The following C2orf42 variants were observed in gnomAD, a reference collection of about 807,000 sequenced individuals.
The protein encoded by C2orf42 is uncharacterized protein C2orf42.
Under a neutral mutation model 58.9 loss-of-function variants are expected in C2orf42, and 44 were observed. That is an observed-to-expected ratio of 0.75 (90% CI 0.59 to 0.96). C2orf42 has a LOEUF of 0.96. Among genes scored for constraint, C2orf42 ranks in the 40% least tolerant of loss-of-function variants. The pLI, the probability that C2orf42 is intolerant of heterozygous loss-of-function variation, is 0.00. For synonymous variants in C2orf42, 239 were observed against 265.4 expected, an observed-to-expected ratio of 0.90 and a Z score of 0.97; for missense variants, 630 against 699.2, an observed-to-expected ratio of 0.90 and a Z score of 1.12.
chr2:70,157,454 AAAAC>A (rs140409034), intron 9 of C2orf42, among the ~76,000 whole-genome samples: 26,758 of 150,178 alleles, frequency 0.18, 4,215 homozygotes, highest in African/African-American at 0.43. Context: ...CTCCCGTCTC[AAAAC>A]AAACAAACAA....
At chr2:70,151,223 C>T (rs1247252442) in intron 9 of C2orf42, among the ~76,000 whole-genome samples, 1 of 152,132 alleles carries the variant, frequency 6.6e-6, no homozygotes, top group African/African-American at 2.4e-5. Flanking sequence ...GTGAAATGTG[C>T]CCATAGTCCC....
Position 70,150,126 on chromosome 2 carries a change from C to G in C2orf42, c.*230G>C, listed in dbSNP as rs1672214203. On this transcript the variant is annotated 3_prime_UTR_variant, in exon 10 of 10. Coordinates refer to ENST00000264434, the MANE Select transcript of C2orf42 (RefSeq NM_017880.3). ...CTTTCTGTTCCTTTTAAAACTCTAGCCAGAAATACTGCCCAATGCATAATG... is the reference window on the plus strand; with the variant it reads ...CTTTCTGTTCCTTTTAAAACTCTAGGCAGAAATACTGCCCAATGCATAATG... 1 of 550,164 alleles carries G rather than the reference C, an allele frequency of 1.8e-6. No homozygotes were observed. Among genetic ancestry groups the G allele is most frequent in the Non-Finnish European group, 3.2e-6 (1 of 308,602 alleles). 34.1% of individuals were successfully genotyped at this position (550,164 alleles called of 1,614,324 possible).
At chr2:70,161,790 A>G (rs984066428) in intron 8 of C2orf42, among the ~76,000 whole-genome samples, 1 of 151,170 alleles carries the variant, frequency 6.6e-6, no homozygotes, top group Non-Finnish European at 1.5e-5. Context: ...AGGTGAGCCA[A>G]GATCACATGA....
At chr2:70,171,374 C>A (rs1035365272) in intron 5 of C2orf42, among the ~76,000 whole-genome samples, 7 of 152,054 alleles carry the variant, frequency 4.6e-5, no homozygotes, top group African/African-American at 1.4e-4. Flanking sequence ...TGCCCCAGAC[C>A]CTCTCAATAA....
intron 4 of C2orf42, among the ~76,000 whole-genome samples, chr2:70,177,671 T>C (rs944348676): frequency 6.6e-6 from 1 of 152,208 alleles, no homozygotes; most frequent in Non-Finnish European, 1.5e-5. Flanking sequence ...CCAATGATTA[T>C]AGCAATGTAT....
At chr2:70,157,523 G>C (rs990413082) in intron 9 of C2orf42, among the ~76,000 whole-genome samples, 1 of 151,916 alleles carries the variant, frequency 6.6e-6, no homozygotes, top group South Asian at 2.1e-4. Context: ...ATAGCTGGGC[G>C]CGGTGGCTCA....
chr2:70,150,383 G>T lies in C2orf42; in HGVS notation c.1698C>A (p.Ala566=), dbSNP rs373369751. Residue 566 remains alanine (A), a synonymous_variant, in exon 10 of 10, where the codon GCC becomes GCA. Transcript: ENST00000264434. ...AAGGGAAAGTAATAGTGGTCAGAGG[G>T]GCCAGTTCCAAGGGCTGGTCCAAGG... ...RPPLDQPLEL[A]PLTTITFP 6.2e-7 allele frequency: 1 copy of T among 1,613,850 alleles called. No individual in the cohort carries two copies. The highest frequency in any genetic ancestry group is 1.3e-5 in the African/African-American group (1 of 74,904).
chr2:70,189,505 C>T (rs1036699704), intron 1 of C2orf42, among the ~76,000 whole-genome samples: 2 of 146,638 alleles, frequency 1.4e-5, no homozygotes, highest in African/African-American at 5.1e-5. Flanking sequence ...ATCACAAGGT[C>T]AGGAGATCGA....
At chr2:70,176,123 G>A (rs1396692313) in intron 4 of C2orf42, among the ~76,000 whole-genome samples, 1 of 152,142 alleles carries the variant, frequency 6.6e-6, no homozygotes, top group Non-Finnish European at 1.5e-5. Context: ...TTTTACCAGA[G>A]TTGCCAAATT....
At chr2:70,180,064 G>T (rs1674451301) in intron 3 of C2orf42, among the ~76,000 whole-genome samples, 1 of 152,210 alleles carries the variant, frequency 6.6e-6, no homozygotes, top group South Asian at 2.1e-4. Flanking sequence ...GGCCGAGGCG[G>T]GTGGATCACC....
At chr2:70,172,394 T>C (rs1573007367) in intron 5 of C2orf42, among the ~76,000 whole-genome samples, 2 of 150,848 alleles carry the variant, frequency 1.3e-5, no homozygotes, top group Non-Finnish European at 3.0e-5. Context: ...AAAATATCTT[T>C]ATTCCGGGCA....
intron 6 of C2orf42, among the ~76,000 whole-genome samples, chr2:70,167,516 G>T (rs754493071): frequency 6.6e-6 from 1 of 152,022 alleles, no homozygotes; most frequent in Non-Finnish European, 1.5e-5. Flanking sequence ...CTAGGCAGGC[G>T]GATCACTTGA....
chr2:70,166,717 A>C (rs1673430293), intron 6 of C2orf42, among the ~76,000 whole-genome samples: 1 of 152,098 alleles, frequency 6.6e-6, no homozygotes, highest in Non-Finnish European at 1.5e-5. Flanking sequence ...CCAACACAGT[A>C]GACCCTTGTC....
intron 9 of C2orf42, among the ~76,000 whole-genome samples, chr2:70,151,790 G>A (rs1411094869): frequency 6.6e-6 from 1 of 151,826 alleles, no homozygotes; most frequent in Non-Finnish European, 1.5e-5. Context: ...TTGTTTGTTT[G>A]TTTGTTTTTT....
intron 4 of C2orf42, among the ~76,000 whole-genome samples, chr2:70,178,555 C>T (rs149880411): frequency 6.6e-5 from 10 of 151,836 alleles, no homozygotes; most frequent in East Asian, 5.8e-4. Context: ...TGCAGTGAGC[C>T]GAAGATCGCA....
chr2:70,174,193 A>T (rs1465493530), intron 5 of C2orf42, among the ~76,000 whole-genome samples: 2 of 152,052 alleles, frequency 1.3e-5, no homozygotes, highest in African/African-American at 2.4e-5. Flanking sequence ...CTGTAATTCC[A>T]GCTACTTGGG....
rs1233630687 is a variant in C2orf42, at chr2:70,150,527, G to A, written c.1554C>T (p.Phe518=). ...GGATATCTGGGATCCACTCGATGAT[G>A]AAAGGTGTTGGCTCCTTTTGATCTG... ...TSPDQKEPTP[F]IIEWIPDILP... The change falls in exon 10 of 10, where the codon TTC becomes TTT. Residue 518 remains phenylalanine, a synonymous_variant. Transcript: ENST00000264434. 38 of 1,613,994 alleles carry A rather than the reference G, an allele frequency of 2.4e-5. No individual in the cohort carries two copies. Among genetic ancestry groups the A allele is most frequent in the Non-Finnish European group, 3.1e-5 (37 of 1,179,890 alleles).
At position 70,157,399 on chromosome 2, in the gene C2orf42, G is replaced by A. The variant is rs56813612; in HGVS notation, c.1516+3226C>T. On this transcript the variant is annotated intron_variant, in intron 9 of 9. Transcript: ENST00000264434. ...AACCCCAGGGGGCGGAGCCTGCAGTGAGCCGAGATCGCACCACTGCACTCC... is the reference window on the plus strand; with the variant it reads ...AACCCCAGGGGGCGGAGCCTGCAGTAAGCCGAGATCGCACCACTGCACTCC... Among the ~76,000 whole-genome samples, 199 of 152,172 alleles carry A rather than the reference G, an allele frequency of 1.3e-3. 1 individual carries two copies. Among genetic ancestry groups the A allele is most frequent in the African/African-American group, 4.7e-3 (197 of 41,528 alleles).
intron 9 of C2orf42, among the ~76,000 whole-genome samples, chr2:70,159,947 G>C (rs570026047): frequency 6.6e-6 from 1 of 152,208 alleles, no homozygotes; most frequent in South Asian, 2.1e-4. Context: ...AATCAGGATA[G>C]ATATTTCATT....
Sources: gnomAD v4.1 joint callset for allele counts (sites outside exome capture counted in the v4.1 genomes callset) on GRCh38, gnomAD v4.1.1 for gene constraint, MANE v1.5 for transcripts, NCBI Gene and HGNC (gene_info 2026-07-23, HGNC 2026-07-21) for gene names.